The following ATF7IP2 variants were observed in gnomAD, a reference collection of about 807,000 sequenced individuals.
ATF7IP2 encodes activating transcription factor 7 interacting protein 2.
A neutral mutation model predicts 64.2 loss-of-function variants in ATF7IP2; 42 were observed. The observed-to-expected ratio is 0.65, with a 90% CI of 0.51 to 0.85. ATF7IP2 has a LOEUF of 0.85. Ranked by LOEUF, ATF7IP2 falls within the 40% of genes least tolerant of loss-of-function variation. The pLI is 0.00. For synonymous variants in ATF7IP2, 308 were observed against 272.8 expected, an observed-to-expected ratio of 1.13 and a Z score of -1.27; for missense variants, 933 against 784.2, an observed-to-expected ratio of 1.19 and a Z score of -2.27.
Position 10,457,414 on chromosome 16 carries a change from T to G in ATF7IP2, c.1237T>G (p.Ser413Ala), listed in dbSNP as rs747094546. Residue 413 changes from serine (S) to alanine (A), a missense_variant, in exon 9 of 14, where the codon TCA (serine) becomes GCA (alanine). Physicochemically the swap from Ser to Ala is moderately conservative, Grantham distance 99. Transcript: ENST00000562102. Reference sequence around the variant, plus strand: ...TATGATTTTGGATAAGAATCTTGAGTCAGTTAATAGTCCAATTGAAAAGTC... The same window carrying G: ...TATGATTTTGGATAAGAATCTTGAGGCAGTTAATAGTCCAATTGAAAAGTC... ...EAMILDKNLESVNSPIEKSSV... is the reference protein window; with the variant it reads ...EAMILDKNLEAVNSPIEKSSV... The G allele has an allele frequency of 1.2e-6, 2 of 1,607,858 alleles. No homozygotes were observed. The highest frequency in any genetic ancestry group is 1.7e-5 in the Admixed American group (1 of 58,730).
At chr16:10,457,265 A>G in intron 8 of ATF7IP2, 107 bp from the exon 9 acceptor site, 2 of 902,910 alleles carry the variant, frequency 2.2e-6, no homozygotes, top group Non-Finnish European at 3.4e-6. Context: ...GATTTAACTT[A>G]TGTTTTGCCA....
At chr16:10,480,200 T>C (rs1309704219) in intron 12 of ATF7IP2, among the ~76,000 whole-genome samples, 1 of 151,940 alleles carries the variant, frequency 6.6e-6, no homozygotes, top group Non-Finnish European at 1.5e-5. Flanking sequence ...TTGCCCAGGC[T>C]GATCTGGAAC....
intron 1 of ATF7IP2, among the ~76,000 whole-genome samples, chr16:10,408,232 C>G (rs1164266517): frequency 1.3e-5 from 2 of 152,114 alleles, no homozygotes; most frequent in Non-Finnish European, 2.9e-5. Flanking sequence ...TCTTTATGCA[C>G]TCGTTGATTA....
chr16:10,476,088 G>A lies in ATF7IP2; in HGVS notation c.1549+2099G>A, dbSNP rs993850052. Among the ~76,000 whole-genome samples, 8 of 152,288 alleles carry A rather than the reference G, an allele frequency of 5.3e-5. No homozygotes were observed. In the South Asian group the frequency reaches 1.7e-3, roughly 32 times the overall value. The stretch of plus-strand genomic sequence containing the variant: ...TTTGCTAGGATATTTTAAATATTCA[G>A]CTGTTGGCTAAAAATGTAAAGGTTG... On this transcript the variant is annotated intron_variant, in intron 12 of 13. Transcript: ENST00000562102.
At chr16:10,463,621 ACCTGCCAACAT>A (rs1200855282) in intron 9 of ATF7IP2, among the ~76,000 whole-genome samples, 3 of 152,176 alleles carry the variant, frequency 2.0e-5, no homozygotes, top group African/African-American at 7.2e-5. Context: ...TGACTACAGC[ACCTGCCAACAT>A]CCTGACTGCA....
chr16:10,412,181 C>G (rs2047782964), intron 1 of ATF7IP2, among the ~76,000 whole-genome samples: 1 of 150,328 alleles, frequency 6.7e-6, no homozygotes, highest in Non-Finnish European at 1.5e-5. Flanking sequence ...TCATTTAGCT[C>G]TGCTCTGATC....
intron 4 of ATF7IP2, 133 bp from the exon 5 acceptor site, chr16:10,430,478 T>G (rs1434820200): frequency 3.4e-6 from 2 of 580,532 alleles, no homozygotes; most frequent in Non-Finnish European, 6.0e-6. Flanking sequence ...TGATTTTCAG[T>G]AAGGTGATTA....
chr16:10,457,165 T>G (rs753666001), intron 8 of ATF7IP2, among the ~76,000 whole-genome samples: 31 of 152,224 alleles, frequency 2.0e-4, no homozygotes, highest in Non-Finnish European at 3.8e-4. Context: ...GAAGTTGATG[T>G]ATACCATCAT....
At chr16:10,432,651 C>T (rs12931812) in intron 5 of ATF7IP2, among the ~76,000 whole-genome samples, 1 of 152,086 alleles carries the variant, frequency 6.6e-6, no homozygotes, top group African/African-American at 2.4e-5. Context: ...GGTGGATCAC[C>T]TGAGGTCAGG....
At chr16:10,389,576 C>T (rs1438507944) in intron 1 of ATF7IP2, among the ~76,000 whole-genome samples, 2 of 152,266 alleles carry the variant, frequency 1.3e-5, no homozygotes, top group African/African-American at 4.8e-5. Context: ...TGAGCTAAAT[C>T]TTCATCTGCA....
chr16:10,387,824 T>TCCCCCCCCCCC (rs5815573), intron 1 of ATF7IP2: 85 of 130,566 alleles, frequency 6.5e-4, no homozygotes, highest in African/African-American at 1.2e-3. Context: ...TCTATTTTAC[T>TCCCCCCCCCCC]CCCCCCCCCT....
intron 3 of ATF7IP2, among the ~76,000 whole-genome samples, chr16:10,424,180 G>A (rs975523194): frequency 6.6e-6 from 1 of 152,222 alleles, no homozygotes; most frequent in African/African-American, 2.4e-5. Flanking sequence ...TTTCTGCCCT[G>A]GGTGGGCGAG....
chr16:10,411,351 G>GGT (rs1555505602), intron 1 of ATF7IP2, among the ~76,000 whole-genome samples: 2 of 141,064 alleles, frequency 1.4e-5, no homozygotes, highest in Non-Finnish European at 3.1e-5. Context: ...GGGCCTTTTT[G>GGT]TTTTTTTTTT....
intron 6 of ATF7IP2, among the ~76,000 whole-genome samples, chr16:10,434,844 C>T (rs1027358251): frequency 1.3e-5 from 2 of 152,192 alleles, no homozygotes; most frequent in African/African-American, 4.8e-5. Context: ...GTCACCCAGA[C>T]TGGAGTGCAG....
intron 2 of ATF7IP2, among the ~76,000 whole-genome samples, chr16:10,418,461 G>T (rs12922071): frequency 0.068 from 10,368 of 152,272 alleles, 370 homozygotes; most frequent in East Asian, 0.098. Context: ...AGCAAAGGCG[G>T]CTTTATCACG....
chr16:10,395,272 G>A (rs949193939), intron 1 of ATF7IP2, among the ~76,000 whole-genome samples: 5 of 152,100 alleles, frequency 3.3e-5, no homozygotes, highest in Non-Finnish European at 7.4e-5. Context: ...AGAACTGACT[G>A]AAGAAGAGGA....
At chr16:10,426,162 A>C (rs1028985803) in intron 3 of ATF7IP2, among the ~76,000 whole-genome samples, 3 of 152,182 alleles carry the variant, frequency 2.0e-5, no homozygotes, top group Non-Finnish European at 4.4e-5. Flanking sequence ...AGAAAATGTA[A>C]TTTCATCTTT....
intron 8 of ATF7IP2, chr16:10,449,432 T>G (rs574598430): frequency 1.3e-5 from 2 of 152,244 alleles, no homozygotes; most frequent in Non-Finnish European, 2.9e-5. Flanking sequence ...TGAATCCATC[T>G]GGTCCTGGAC....
chr16:10,411,905 G>GT (rs992175796), intron 1 of ATF7IP2, among the ~76,000 whole-genome samples: 5,641 of 82,852 alleles, frequency 0.068, 328 homozygotes, highest in African/African-American at 0.17. Flanking sequence ...GAGCTTATTT[G>GT]TTTTTTTTTT....
Sources: gnomAD v4.1 joint callset for allele counts (sites outside exome capture counted in the v4.1 genomes callset) on GRCh38, gnomAD v4.1.1 for gene constraint, MANE v1.5 for transcripts, NCBI Gene and HGNC (gene_info 2026-07-23, HGNC 2026-07-21) for gene names.